RGPD4: variants seen among roughly 807,000 people sequenced by gnomAD.
RGPD4 encodes RANBP2 like and GRIP domain containing 4.
Under a neutral mutation model 141.1 loss-of-function variants are expected in RGPD4, and 84 were observed. That is an observed-to-expected ratio of 0.60 (90% confidence interval 0.50 to 0.71). The LOEUF (loss-of-function observed/expected upper bound fraction) is 0.71, where lower values mean the gene tolerates loss of function less well. Among genes scored for constraint, RGPD4 ranks in the 30% least tolerant of loss-of-function variants. The pLI, the probability that RGPD4 is intolerant of heterozygous loss-of-function variation, is 0.00. For missense variants in RGPD4, 918 were observed against 1,622.4 expected, an observed-to-expected ratio of 0.57 and a Z score of 7.46; for synonymous variants, 298 against 566.8, an observed-to-expected ratio of 0.53 and a Z score of 6.74.
At position 107,833,085 on chromosome 2, in the gene RGPD4, T is replaced by A. The variant is rs531783423; in HGVS notation, c.73-3517T>A. Among the ~76,000 whole-genome samples, 21 of 150,248 alleles carry A rather than the reference T, an allele frequency of 1.4e-4. No homozygotes were observed. In the East Asian group the frequency reaches 4.1e-3, roughly 29 times the overall value. ...CTAGACTTTTCCTCATTGTCCTGTA[T>A]AATCGCGGCCTTCACCCTTGTTGGG... On this transcript the variant is annotated intron_variant, in intron 1 of 22. Coordinates refer to ENST00000408999, the MANE Select transcript of RGPD4 (RefSeq NM_182588.3).
At chr2:107,851,293 G>A (rs1682108699) in intron 7 of RGPD4, among the ~76,000 whole-genome samples, 1 of 81,482 alleles carries the variant, frequency 1.2e-5, no homozygotes, top group South Asian at 5.3e-4. Flanking sequence ...TAAATTTTTT[G>A]TAAAGACAAG....
intron 1 of RGPD4, among the ~76,000 whole-genome samples, chr2:107,832,738 TAATTTTTTTCGC>T (rs1284637207): frequency 6.6e-6 from 1 of 151,956 alleles, no homozygotes; most frequent in African/African-American, 2.4e-5. Flanking sequence ...GAGTTTGAAA[TAATTTTTTTCGC>T]AATTTTGAAA....
At chr2:107,855,494 T>G (rs940243205) in intron 8 of RGPD4, among the ~76,000 whole-genome samples, 1 of 152,128 alleles carries the variant, frequency 6.6e-6, no homozygotes, top group Non-Finnish European at 1.5e-5. Flanking sequence ...CACAGTTAGA[T>G]AAAAATTGCC....
intron 15 of RGPD4, among the ~76,000 whole-genome samples, 178 bp from the exon 16 acceptor site, chr2:107,862,501 ACAG>A (rs1682577917): frequency 3.3e-5 from 5 of 152,036 alleles, no homozygotes; most frequent in Admixed American, 2.6e-4. Context: ...ATAATACAAA[ACAG>A]CAGAAAAACA....
At chr2:107,873,535 C>T (rs1397383148) in intron 20 of RGPD4, among the ~76,000 whole-genome samples, 2 of 139,256 alleles carry the variant, frequency 1.4e-5, no homozygotes, top group East Asian at 4.4e-4. Flanking sequence ...AATCATGCCA[C>T]TGCACTCCAG....
intron 7 of RGPD4, among the ~76,000 whole-genome samples, chr2:107,853,437 GC>G (rs2104442193): frequency 1.4e-5 from 2 of 142,680 alleles, no homozygotes; most frequent in East Asian, 4.0e-4. Context: ...TATTCATCAT[GC>G]TTTTTTTTTT....
chr2:107,871,328 G>T lies in RGPD4; in HGVS notation c.3324G>T (p.Val1108=), dbSNP rs1438968922. The T allele has an allele frequency of 6.3e-7, 1 of 1,599,822 alleles. No homozygotes were observed. The highest frequency in any genetic ancestry group is 1.7e-5 in the Admixed American group (1 of 58,628). ...MLMRREQVLK[V]CANHWITTTM... ...TGCGAAGAGAACAAGTACTAAAAGTGTGTGCTAATCATTGGATAACGACTA... is the reference window on the plus strand; with the variant it reads ...TGCGAAGAGAACAAGTACTAAAAGTTTGTGCTAATCATTGGATAACGACTA... The change falls in exon 20 of 23, where the codon GTG becomes GTT. Residue 1108 remains valine (V), a synonymous_variant. Transcript: ENST00000408999.
chr2:107,833,150 A>G (rs1681553170), intron 1 of RGPD4, among the ~76,000 whole-genome samples: 1 of 149,382 alleles, frequency 6.7e-6, no homozygotes, highest in African/African-American at 2.5e-5. Flanking sequence ...GTTTGTTGAG[A>G]ACAGCAGCTT....
chr2:107,873,004 G>T (rs1573523293), intron 20 of RGPD4, 76 bp downstream of exon 20: 1 of 982,612 alleles, frequency 1.0e-6, no homozygotes, highest in Non-Finnish European at 1.4e-6. Context: ...CTCTTTGTGG[G>T]ATACTAATGT....
At chr2:107,852,692 G>T in intron 7 of RGPD4, among the ~76,000 whole-genome samples, 1 of 79,126 alleles carries the variant, frequency 1.3e-5, no homozygotes, top group East Asian at 2.3e-4. Flanking sequence ...TAATGTTATT[G>T]CTTTCTTGTG....
At chr2:107,884,023 C>T (rs1675440393) in intron 22 of RGPD4, among the ~76,000 whole-genome samples, 2 of 151,764 alleles carry the variant, frequency 1.3e-5, no homozygotes, top group African/African-American at 4.8e-5. Flanking sequence ...TTCATTTTGC[C>T]TGTGTTATTG....
At chr2:107,875,059 G>C (rs1283064040) in intron 20 of RGPD4, among the ~76,000 whole-genome samples, 1 of 104,432 alleles carries the variant, frequency 9.6e-6, no homozygotes, top group Non-Finnish European at 2.0e-5. Context: ...CCAGTTACTT[G>C]GGAGGCTGAG....
intron 8 of RGPD4, among the ~76,000 whole-genome samples, chr2:107,856,404 C>A (rs1682314198): frequency 6.6e-6 from 1 of 150,528 alleles, no homozygotes; most frequent in Non-Finnish European, 1.5e-5. Flanking sequence ...TTCTGATGAG[C>A]CAGGTTTAGA....
At position 107,872,099 on chromosome 2, in the gene RGPD4, C is replaced by G; in HGVS notation, c.4095C>G (p.Tyr1365Ter). 6.2e-7 allele frequency: 1 copy of G among 1,611,390 alleles called. No individual in the cohort carries two copies. Residue 1365 changes from tyrosine to a stop codon, truncating the protein, a stop_gained, in exon 20 of 23, where the codon TAC becomes TAG. Coordinates refer to ENST00000408999, the MANE Select transcript of RGPD4 (RefSeq NM_182588.3). LOFTEE classifies it high-confidence loss of function. ...TTTTTAGTCACAGGGCAGAACTCTACAGATATGATAAAGATGTTGGTCAAT... is the reference window on the plus strand; with the variant it reads ...TTTTTAGTCACAGGGCAGAACTCTAGAGATATGATAAAGATGTTGGTCAAT... ...KVVFSHRAEL[Y>*]RYDKDVGQWK...
chr2:107,878,807 CA>C, intron 20 of RGPD4, among the ~76,000 whole-genome samples: 1 of 44,196 alleles, frequency 2.3e-5, no homozygotes, highest in South Asian at 8.5e-4. Flanking sequence ...AAGCATCCAG[CA>C]CAGGAGAAAG....
intron 22 of RGPD4, among the ~76,000 whole-genome samples, chr2:107,889,165 A>G (rs1041034941): frequency 1.3e-5 from 2 of 148,660 alleles, no homozygotes; most frequent in Non-Finnish European, 2.9e-5. Context: ...GGGTAATGCC[A>G]AATTAAATCT....
chr2:107,890,731 A>C lies in RGPD4; in HGVS notation c.5277A>C (p.Ter1759TyrextTer20). The change falls in exon 23 of 23, where the codon TAA becomes TAC. Residue 1759 changes from the stop codon to tyrosine, a stop_lost. Transcript: ENST00000408999. The stretch of plus-strand genomic sequence containing the variant: ...TTTTACTTTCCAAAGGTGAGGAATA[A>C]AATGCTTCCCGTTCTTCTGGATGGG... ...KLAAVAQGEE[*>Y] The C allele has an allele frequency of 6.2e-7, 1 of 1,603,414 alleles. No homozygotes were observed. The highest frequency in any genetic ancestry group is 8.5e-7 in the Non-Finnish European group (1 of 1,177,346).
In RGPD4 at chr2:107,826,991, T is replaced by G. The variant is rs1387879177; in HGVS notation, c.-23T>G. ...GGGCTGAGCGCTGGTTTCACGCGTC[T>G]CGGGAGCCAGGTTGGTGGCGCGATG... On this transcript the variant is annotated 5_prime_UTR_variant, in exon 1 of 23. Coordinates refer to ENST00000408999, the MANE Select transcript of RGPD4 (RefSeq NM_182588.3). 6.3e-7 allele frequency: 1 copy of G among 1,591,484 alleles called. No homozygotes were observed. Among genetic ancestry groups the G allele is most frequent in the Admixed American group, 1.8e-5 (1 of 56,990 alleles).
intron 20 of RGPD4, among the ~76,000 whole-genome samples, chr2:107,875,448 A>G: frequency 7.5e-6 from 1 of 132,494 alleles, no homozygotes; most frequent in Non-Finnish European, 1.6e-5. Context: ...GAATGTGGCT[A>G]GGCTACCATA....
Sources: gnomAD v4.1 joint callset for allele counts (sites outside exome capture counted in the v4.1 genomes callset) on GRCh38, gnomAD v4.1.1 for gene constraint, MANE v1.5 for transcripts, NCBI Gene and HGNC (gene_info 2026-07-23, HGNC 2026-07-21) for gene names.